The following CACNB2 variants were observed in gnomAD, a reference collection of about 807,000 sequenced individuals.
The protein encoded by CACNB2 is calcium voltage-gated channel auxiliary subunit beta 2.
A neutral mutation model predicts 73.3 loss-of-function variants in CACNB2; 42 were observed. The observed-to-expected ratio is 0.57, with a 90% CI of 0.45 to 0.74. The LOEUF (loss-of-function observed/expected upper bound fraction) is 0.74. Ranked by LOEUF, CACNB2 falls within the 30% of genes least tolerant of loss-of-function variation. The pLI, the probability that CACNB2 is intolerant of heterozygous loss-of-function variation, is 0.00. For synonymous variants in CACNB2, 348 were observed against 310.3 expected, an observed-to-expected ratio of 1.12 and a Z score of -1.28; for missense variants, 940 against 853.0, an observed-to-expected ratio of 1.10 and a Z score of -1.27.
At chr10:18,505,561 T>G (rs2050442143) in intron 5 of CACNB2, among the ~76,000 whole-genome samples, 2 of 152,198 alleles carry the variant, frequency 1.3e-5, no homozygotes, top group African/African-American at 4.8e-5. Flanking sequence ...TATTGCCCTT[T>G]GATGCATAAA....
rs1486922088 is a variant in CACNB2, at chr10:18,534,194, T to A, written c.1173T>A (p.Pro391=). The change falls in exon 11 of 14, where the codon CCT becomes CCA. Residue 391 remains proline (P), a synonymous_variant. Transcript: ENST00000324631. ...AACTCAGTAAAACCTCCTTGGCCCC[T>A]ATTATAGTATATGTAAAGATTTCTT... ...PAQLSKTSLA[P]IIVYVKISSP... The A allele has an allele frequency of 3.7e-6, 6 of 1,613,392 alleles. No homozygotes were observed. The highest frequency in any genetic ancestry group is 5.1e-6 in the Non-Finnish European group (6 of 1,179,440).
chr10:18,510,522 C>T (rs1189154642), intron 6 of CACNB2, among the ~76,000 whole-genome samples: 5 of 152,262 alleles, frequency 3.3e-5, no homozygotes, highest in South Asian at 4.1e-4. Flanking sequence ...AGGTTGGCCT[C>T]GAATTCCTGA....
intron 2 of CACNB2, among the ~76,000 whole-genome samples, chr10:18,341,517 C>T (rs930729288): frequency 3.3e-5 from 5 of 152,068 alleles, no homozygotes; most frequent in African/African-American, 7.2e-5. Context: ...TTTGGGTCTT[C>T]GGATTTGGTT....
At chr10:18,220,600 C>A (rs2131392624) in intron 2 of CACNB2, among the ~76,000 whole-genome samples, 1 of 152,022 alleles carries the variant, frequency 6.6e-6, no homozygotes, top group East Asian at 1.9e-4. Context: ...GCAGAGGCCC[C>A]CAAACCCCAG....
rs188701018 is a variant in CACNB2 at position 18,391,877 on chromosome 10, A to C, written c.214-10047A>C. 3.1e-4 allele frequency among the ~76,000 whole-genome samples: 46 copies of C among 148,174 alleles called. No homozygotes were observed. In the South Asian group the frequency reaches 4.1e-3, roughly 13 times the overall value. The stretch of plus-strand genomic sequence containing the variant: ...CAGGAGACAGAGGTTGCAGTGAGCC[A>C]AGATTGTGCCACTGCACTCCAGCCT... On this transcript the variant is annotated intron_variant, in intron 2 of 13. Coordinates refer to ENST00000324631, the MANE Select transcript of CACNB2 (RefSeq NM_201596.3).
intron 2 of CACNB2, among the ~76,000 whole-genome samples, chr10:18,236,090 G>A (rs2036432737): frequency 6.6e-6 from 1 of 152,134 alleles, no homozygotes; most frequent in Non-Finnish European, 1.5e-5. Context: ...GGAACCGTGA[G>A]CCAATTAAAC....
chr10:18,141,328 C>A, intron 1 of CACNB2: 4 of 941,080 alleles, frequency 4.3e-6, no homozygotes, highest in Non-Finnish European at 6.7e-6. Context: ...TGATGGGGTG[C>A]AGGTGGGCAG....
chr10:18,524,990 A>G (rs1249262651), intron 9 of CACNB2, among the ~76,000 whole-genome samples: 1 of 138,166 alleles, frequency 7.2e-6, no homozygotes, highest in Admixed American at 8.2e-5. Context: ...TGATTACTAC[A>G]CCCTTGCACT....
At chr10:18,529,941 G>A (rs1350478092) in intron 10 of CACNB2, among the ~76,000 whole-genome samples, 1 of 152,228 alleles carries the variant, frequency 6.6e-6, no homozygotes, top group Admixed American at 6.5e-5. Context: ...TGGCTAGTGA[G>A]GCCTCACAAT....
At chr10:18,344,872 C>A (rs2041383193) in intron 2 of CACNB2, among the ~76,000 whole-genome samples, 1 of 152,192 alleles carries the variant, frequency 6.6e-6, no homozygotes, top group Admixed American at 6.5e-5. Flanking sequence ...TATTTTTATG[C>A]TGGCATATTG....
At chr10:18,245,629 TCTC>T (rs1217165772) in intron 2 of CACNB2, among the ~76,000 whole-genome samples, 2 of 152,042 alleles carry the variant, frequency 1.3e-5, no homozygotes, top group Non-Finnish European at 2.9e-5. Context: ...TCACACCTGG[TCTC>T]CTCCTGTTCA....
At chr10:18,533,784 C>A (rs989913638) in intron 10 of CACNB2, among the ~76,000 whole-genome samples, 1 of 152,182 alleles carries the variant, frequency 6.6e-6, no homozygotes, top group Admixed American at 6.5e-5. Flanking sequence ...ATTTCATAGA[C>A]TGCAAGCACA....
intron 3 of CACNB2, among the ~76,000 whole-genome samples, chr10:18,484,370 G>A (rs1425079180): frequency 1.3e-5 from 2 of 151,798 alleles, no homozygotes; most frequent in Non-Finnish European, 1.5e-5. Flanking sequence ...CTCCAGCCTG[G>A]GTGACAGAGC....
At chr10:18,232,709 A>G (rs766713460) in intron 2 of CACNB2, among the ~76,000 whole-genome samples, 1 of 152,294 alleles carries the variant, frequency 6.6e-6, no homozygotes, top group South Asian at 2.1e-4. Flanking sequence ...TTCCATTGCT[A>G]TTGCAATTTT....
At chr10:18,418,219 C>T (rs903433090) in intron 3 of CACNB2, among the ~76,000 whole-genome samples, 7 of 152,170 alleles carry the variant, frequency 4.6e-5, no homozygotes, top group Non-Finnish European at 1.0e-4. Flanking sequence ...GGACTACAGG[C>T]GCACGCCACT....
intron 2 of CACNB2, among the ~76,000 whole-genome samples, chr10:18,216,281 G>A (rs2035507997): frequency 6.6e-6 from 1 of 152,072 alleles, no homozygotes; most frequent in South Asian, 2.1e-4. Context: ...TGGGCAAAAA[G>A]AGCAAAACTC....
chr10:18,161,770 T>C (rs1411507808), intron 2 of CACNB2, among the ~76,000 whole-genome samples: 1 of 151,842 alleles, frequency 6.6e-6, no homozygotes, highest in African/African-American at 2.4e-5. Flanking sequence ...CTAAAAATAT[T>C]TTTTAAAAAT....
chr10:18,279,865 A>G (rs1359470544), intron 2 of CACNB2, among the ~76,000 whole-genome samples: 3 of 152,224 alleles, frequency 2.0e-5, no homozygotes, highest in South Asian at 4.1e-4. Flanking sequence ...AGATCACTTG[A>G]GGTCTGGAGT....
chr10:18,506,058 C>T (rs1232361373), intron 5 of CACNB2, among the ~76,000 whole-genome samples: 1 of 152,070 alleles, frequency 6.6e-6, no homozygotes, highest in Non-Finnish European at 1.5e-5. Flanking sequence ...ATAAAATAAG[C>T]CTAAAACAGA....
Sources: allele counts gnomAD v4.1 joint callset (sites outside exome capture counted in the v4.1 genomes callset), GRCh38; gene constraint gnomAD v4.1.1; transcripts MANE v1.5; gene names NCBI Gene and HGNC (gene_info 2026-07-23, HGNC 2026-07-21).